PRKG1: variants seen among roughly 807,000 people sequenced by gnomAD.
PRKG1 encodes cGMP-dependent protein kinase 1.
In PRKG1, 35 loss-of-function variants were observed where a neutral mutation model predicts 88.1. The observed-to-expected ratio is 0.40, with a 90% CI of 0.30 to 0.53. PRKG1 has a LOEUF of 0.53. PRKG1 is among the 20% of genes least tolerant of loss of function. PRKG1 has a pLI of 0.59. For synonymous variants in PRKG1, 303 were observed against 292.5 expected, an observed-to-expected ratio of 1.04 and a Z score of -0.37; for missense variants, 540 against 839.8, an observed-to-expected ratio of 0.64 and a Z score of 4.41.
intron 1 of PRKG1, among the ~76,000 whole-genome samples, chr10:51,115,317 G>T: frequency 1.1e-5 from 1 of 90,336 alleles, no homozygotes; most frequent in Non-Finnish European, 2.2e-5. Flanking sequence ...CCATCTCGGG[G>T]CGGGGGGAGG....
chr10:51,725,243 C>T (rs1230091404), intron 3 of PRKG1, among the ~76,000 whole-genome samples: 1 of 152,180 alleles, frequency 6.6e-6, no homozygotes, highest in African/African-American at 2.4e-5. Context: ...TGGATTGCCA[C>T]ATGATATGGC....
At chr10:52,266,886 T>C (rs1281799271) in intron 10 of PRKG1, among the ~76,000 whole-genome samples, 1 of 152,062 alleles carries the variant, frequency 6.6e-6, no homozygotes, top group Admixed American at 6.6e-5. Context: ...AGGACAGTCT[T>C]CAAAGGAAGA....
intron 4 of PRKG1, among the ~76,000 whole-genome samples, chr10:51,862,649 A>G (rs928596343): frequency 4.6e-5 from 7 of 152,138 alleles, no homozygotes; most frequent in African/African-American, 1.7e-4. Flanking sequence ...AAAGGCATCG[A>G]GAAAGGTCCC....
At chr10:52,248,959 C>G (rs1206622054) in intron 9 of PRKG1, among the ~76,000 whole-genome samples, 1 of 130,864 alleles carries the variant, frequency 7.6e-6, no homozygotes, top group South Asian at 2.8e-4. Context: ...CTTTTTTTCT[C>G]CCTTTCCTTC....
In PRKG1 at chr10:51,109,992, G is replaced by A. The variant is rs541670849; in HGVS notation, c.311+35091G>A. Among the ~76,000 whole-genome samples, 6 of 152,140 alleles carry A rather than the reference G, an allele frequency of 3.9e-5. No individual in the cohort carries two copies. In the South Asian group the frequency reaches 1.0e-3, roughly 26 times the overall value. ...TATGAACAAATGCTCAACATCATTA[G>A]TCACTAGAAAAATGCAAACCATAAT... On this transcript the variant is annotated intron_variant, in intron 1 of 17. Transcript: ENST00000373980.
At chr10:52,123,366 G>A (rs1460215785) in intron 7 of PRKG1, among the ~76,000 whole-genome samples, 1 of 152,064 alleles carries the variant, frequency 6.6e-6, no homozygotes, top group Non-Finnish European at 1.5e-5. Context: ...TTTTTGGACA[G>A]CACTTATAAT....
intron 3 of PRKG1, among the ~76,000 whole-genome samples, chr10:51,541,968 CT>C (rs1842314746): frequency 1.3e-5 from 2 of 152,032 alleles, no homozygotes; most frequent in Non-Finnish European, 2.9e-5. Context: ...TGCCAAACTT[CT>C]TGTGGCTTTG....
intron 3 of PRKG1, among the ~76,000 whole-genome samples, chr10:51,734,445 A>G (rs753231384): frequency 8.5e-5 from 13 of 152,176 alleles, no homozygotes; most frequent in South Asian, 2.1e-4. Flanking sequence ...CAGTGACTAT[A>G]TAATACCTGG....
At chr10:52,018,500 G>C (rs1483544603) in intron 5 of PRKG1, among the ~76,000 whole-genome samples, 1 of 152,078 alleles carries the variant, frequency 6.6e-6, no homozygotes, top group African/African-American at 2.4e-5. Context: ...TGCCTCTTTT[G>C]AGGAATCATA....
intron 1 of PRKG1, among the ~76,000 whole-genome samples, chr10:51,108,690 A>G (rs1844907914): frequency 6.6e-6 from 1 of 152,200 alleles, no homozygotes; most frequent in Non-Finnish European, 1.5e-5. Flanking sequence ...GGGCGATTGA[A>G]TATTTTTCCC....
chr10:52,081,130 C>A (rs557242539), intron 7 of PRKG1, among the ~76,000 whole-genome samples: 1 of 152,230 alleles, frequency 6.6e-6, no homozygotes, highest in East Asian at 1.9e-4. Context: ...GGAAACCCAA[C>A]GTACAATGTG....
At chr10:51,990,742 C>T (rs1844283522) in intron 5 of PRKG1, among the ~76,000 whole-genome samples, 1 of 152,054 alleles carries the variant, frequency 6.6e-6, no homozygotes, top group South Asian at 2.1e-4. Context: ...CTGAGAGGCT[C>T]CAGTGTCTGT....
Position 50,991,676 on chromosome 10 carries a change from G to A in PRKG1, c.266+32G>A. 1 of 1,415,404 alleles carries A rather than the reference G, an allele frequency of 7.1e-7. No homozygotes were observed. The highest frequency in any genetic ancestry group is 9.3e-7 in the Non-Finnish European group (1 of 1,079,584). The allele number at this position is 1,415,404 out of a possible 1,614,324, so 87.7% of individuals were successfully genotyped here. A position where few individuals can be genotyped will look rare whatever the true frequency, so the allele number is the denominator to read the frequency against. On this transcript the variant is annotated intron_variant, in intron 1 of 17. Coordinates refer to the PRKG1 transcript ENST00000401604. The surrounding 1 kb of genome is among the most constrained non-coding windows in gnomAD (Gnocchi z 4.5). The stretch of plus-strand genomic sequence containing the variant: ...GCGGAGGCCGTGGGCCCGGGCGCTC[G>A]TCCCGGCCCGCGGCGCAGAGGCTGG...
intron 5 of PRKG1, among the ~76,000 whole-genome samples, chr10:51,995,003 A>G (rs12572546): frequency 0.14 from 21,688 of 152,146 alleles, 1,779 homozygotes; most frequent in South Asian, 0.25. Flanking sequence ...TTGAATCTTC[A>G]CAGCAACACT....
chr10:51,538,609 T>C (rs1038568625), intron 3 of PRKG1, among the ~76,000 whole-genome samples: 1 of 150,646 alleles, frequency 6.6e-6, no homozygotes, highest in Non-Finnish European at 1.5e-5. Flanking sequence ...AATTCTACCA[T>C]ACCTGACTGT....
intron 1 of PRKG1, among the ~76,000 whole-genome samples, chr10:51,052,401 G>A (rs937955647): frequency 1.3e-5 from 2 of 152,132 alleles, no homozygotes; most frequent in Non-Finnish European, 2.9e-5. Context: ...CCAATGCCCA[G>A]TTTGAATATT....
intron 7 of PRKG1, among the ~76,000 whole-genome samples, chr10:52,124,309 A>G (rs1041900836): frequency 1.3e-5 from 2 of 152,226 alleles, no homozygotes; most frequent in African/African-American, 4.8e-5. Flanking sequence ...GCTCCATGGT[A>G]TAGCCTATTG....
intron 2 of PRKG1, among the ~76,000 whole-genome samples, chr10:51,195,868 C>T (rs777675454): frequency 6.6e-6 from 1 of 152,002 alleles, no homozygotes; most frequent in Non-Finnish European, 1.5e-5. Context: ...CATGCCAGAC[C>T]CTGTGATATG....
chr10:52,154,008 G>T (rs1040798951), intron 8 of PRKG1, among the ~76,000 whole-genome samples: 3 of 152,262 alleles, frequency 2.0e-5, no homozygotes, highest in Middle Eastern at 3.4e-3. Context: ...GCCTCCCAAA[G>T]TGCTGGGATT....
Sources: gnomAD v4.1 joint callset for allele counts (sites outside exome capture counted in the v4.1 genomes callset) on GRCh38, gnomAD v4.1.1 for gene constraint, Gnocchi (gnomAD v3.1) non-coding constraint, MANE v1.5 for transcripts, NCBI Gene and HGNC (gene_info 2026-07-23, HGNC 2026-07-21) for gene names.